Variants in AFF3 observed in about 807,000 individuals in gnomAD.
AFF3 encodes the protein AF4/FMR2 family member 3.
AFF3 carries 32 observed loss-of-function variants against 129.7 expected under a neutral mutation model. The ratio of observed to expected loss-of-function variants is 0.25; its 90% confidence interval spans 0.19 to 0.33. The LOEUF (loss-of-function observed/expected upper bound fraction) is 0.33. Among genes scored for constraint, AFF3 ranks in the 10% least tolerant of loss-of-function variants. The pLI, the probability that AFF3 is intolerant of heterozygous loss-of-function variation, is 1.00. For synonymous variants in AFF3, 644 were observed against 635.4 expected, an observed-to-expected ratio of 1.01 and a Z score of -0.20; for missense variants, 1,373 against 1,592.0, an observed-to-expected ratio of 0.86 and a Z score of 2.34.
chr2:99,837,626 G>C, intron 7 of AFF3, 102 bp from the exon 8 acceptor site: 7 of 1,048,420 alleles, frequency 6.7e-6, no homozygotes, highest in Non-Finnish European at 1.0e-5. Context: ...AAAAAATTCA[G>C]CGAGTTACAG....
chr2:99,559,328 G>A (rs1483923640), intron 21 of AFF3, among the ~76,000 whole-genome samples: 1 of 152,226 alleles, frequency 6.6e-6, no homozygotes, highest in African/African-American at 2.4e-5. Flanking sequence ...TGCTTCGCGG[G>A]CGAGCCCCGC....
intron 7 of AFF3, among the ~76,000 whole-genome samples, chr2:99,882,063 C>T (rs1692761298): frequency 6.6e-6 from 1 of 150,688 alleles, no homozygotes; most frequent in Admixed American, 6.6e-5. Context: ...CTGTCTCTCT[C>T]TCTCTCTCTC....
intron 7 of AFF3, among the ~76,000 whole-genome samples, chr2:99,873,803 C>T (rs958312230): frequency 1.3e-5 from 2 of 151,214 alleles, no homozygotes; most frequent in South Asian, 2.1e-4. Flanking sequence ...TGAGAACATT[C>T]CTGGTTATTT....
rs1259631016 is a variant in AFF3, at chr2:99,554,837, C to T, written c.3286-105G>A. 7.3e-6 allele frequency: 10 copies of T among 1,366,102 alleles called. No individual in the cohort carries two copies. In the Admixed American group the frequency reaches 1.9e-4, roughly 26 times the overall value. The allele number at this position is 1,366,102 out of a possible 1,614,324, so 84.6% of individuals were successfully genotyped here. On this transcript the variant is annotated intron_variant, in intron 22 of 24. Transcript: ENST00000672756. ...CTGCAGAGAGAAGCAAAGGCAGACACTGCAGGAAAAAGGCACCTTCAGAGA... is the reference window on the plus strand; with the variant it reads ...CTGCAGAGAGAAGCAAAGGCAGACATTGCAGGAAAAAGGCACCTTCAGAGA...
intron 12 of AFF3, among the ~76,000 whole-genome samples, chr2:99,669,823 A>C (rs1686996586): frequency 6.6e-6 from 1 of 152,090 alleles, no homozygotes; most frequent in African/African-American, 2.4e-5. Context: ...TACAAAAATT[A>C]CCTGTAATCC....
At chr2:99,918,879 C>CT (rs1695666500) in intron 7 of AFF3, among the ~76,000 whole-genome samples, 1 of 152,186 alleles carries the variant, frequency 6.6e-6, no homozygotes, top group Non-Finnish European at 1.5e-5. Context: ...ACTTGGGTAT[C>CT]TTTGAGTCTT....
intron 13 of AFF3, among the ~76,000 whole-genome samples, chr2:99,603,470 A>G (rs749989352): frequency 2.6e-5 from 4 of 152,216 alleles, no homozygotes; most frequent in Non-Finnish European, 5.9e-5. Flanking sequence ...CACCATATAC[A>G]AAAATCGACT....
chr2:99,738,258 C>T lies in AFF3; in HGVS notation c.1039+5846G>A, dbSNP rs1468093533. 2.0e-5 allele frequency among the ~76,000 whole-genome samples: 3 copies of T among 151,938 alleles called. No individual in the cohort carries two copies. The East Asian group carries it at 5.8e-4, about 29-fold the overall frequency. ...ATTCATTCCTCTCCATTTTCTTTTT[C>T]TGCCACCTTGACTGGCTGTGTATCT... On this transcript the variant is annotated intron_variant, in intron 10 of 24. Transcript: ENST00000672756.
At chr2:99,606,683 C>T (rs975515884) in intron 13 of AFF3, among the ~76,000 whole-genome samples, 4 of 151,254 alleles carry the variant, frequency 2.6e-5, no homozygotes, top group African/African-American at 4.9e-5. Flanking sequence ...TTTGGGAAGC[C>T]GAGGCGGGAG....
At chr2:99,837,051 C>A (rs1161182616) in intron 8 of AFF3, among the ~76,000 whole-genome samples, 3 of 152,134 alleles carry the variant, frequency 2.0e-5, no homozygotes, top group African/African-American at 7.2e-5. Context: ...AGTTCCAGAT[C>A]CTGAACATTA....
chr2:100,071,517 C>G (rs527431285), intron 4 of AFF3, among the ~76,000 whole-genome samples: 2 of 152,090 alleles, frequency 1.3e-5, no homozygotes, highest in African/African-American at 4.8e-5. Flanking sequence ...ACTTTACCCA[C>G]GAAACACGTC....
intron 7 of AFF3, among the ~76,000 whole-genome samples, chr2:99,839,707 G>A (rs1356782832): frequency 1.3e-5 from 2 of 151,668 alleles, no homozygotes; most frequent in Non-Finnish European, 2.9e-5. Flanking sequence ...CGCCTCCCAG[G>A]TTCAAGTGAT....
intron 13 of AFF3, among the ~76,000 whole-genome samples, chr2:99,620,832 T>TTTTATAG (rs981034454): frequency 2.4e-4 from 37 of 152,246 alleles, no homozygotes; most frequent in African/African-American, 8.4e-4. Flanking sequence ...AAGAGCTGGC[T>TTTTATAG]GTTTATAGGA....
At chr2:99,738,822 C>T (rs769374943) in intron 10 of AFF3, among the ~76,000 whole-genome samples, 5 of 152,036 alleles carry the variant, frequency 3.3e-5, no homozygotes, top group Non-Finnish European at 7.4e-5. Context: ...AGCCCTTCCT[C>T]CACCCACTCC....
intron 22 of AFF3, among the ~76,000 whole-genome samples, chr2:99,555,578 G>C (rs1050179472): frequency 9.9e-5 from 15 of 152,200 alleles, no homozygotes; most frequent in African/African-American, 3.6e-4. Flanking sequence ...CCTCTAGTTA[G>C]GGAAGTTGCT....
chr2:99,668,860 C>T (rs537489307), intron 12 of AFF3, among the ~76,000 whole-genome samples: 9 of 152,158 alleles, frequency 5.9e-5, no homozygotes, highest in Non-Finnish European at 1.2e-4. Context: ...CTGTGGCCGA[C>T]CTAACATCAT....
chr2:99,913,958 T>G (rs1576338364), intron 7 of AFF3, among the ~76,000 whole-genome samples: 1 of 152,160 alleles, frequency 6.6e-6, no homozygotes, highest in East Asian at 1.9e-4. Context: ...AATGTAGAAA[T>G]AATGATGCAT....
chr2:99,609,282 ATGAG>A lies in AFF3; in HGVS notation c.1185-7665_1185-7662del, dbSNP rs372952262. ...AGGGGAATAGGTGGCATTTGGTTAC[ATGAG>A]TAAGCTCTTTAGCATTGATTTATGA... On this transcript the variant is annotated intron_variant, in intron 13 of 24. Transcript: ENST00000672756. Among the ~76,000 whole-genome samples, 78 of 152,120 alleles carry A rather than the reference ATGAG, an allele frequency of 5.1e-4. 1 individual carries two copies. Among genetic ancestry groups the A allele is most frequent in the African/African-American group, 1.9e-3 (77 of 41,474 alleles).
chr2:99,810,761 GA>G (rs771812514), intron 8 of AFF3, among the ~76,000 whole-genome samples: 3 of 152,160 alleles, frequency 2.0e-5, no homozygotes, highest in African/African-American at 7.2e-5. Flanking sequence ...TAAAATGCAT[GA>G]AAACCAAGGT....
Sources: allele counts gnomAD v4.1 joint callset (sites outside exome capture counted in the v4.1 genomes callset), GRCh38; gene constraint gnomAD v4.1.1; transcripts MANE v1.5; gene names NCBI Gene and HGNC (gene_info 2026-07-23, HGNC 2026-07-21).